SCOC: variants seen among roughly 807,000 people sequenced by gnomAD.
SCOC encodes short coiled coil protein.
In SCOC, 7 loss-of-function variants were observed where a neutral mutation model predicts 9.9. That is an observed-to-expected ratio of 0.71 (90% CI 0.40 to 1.33). The LOEUF is 1.33. SCOC is among the 40% of genes most tolerant of loss of function. SCOC has a pLI of 0.01. For synonymous variants in SCOC, 19 were observed against 28.2 expected (o/e 0.67, Z 1.03); for missense variants, 66 against 89.7 (o/e 0.74, Z 1.07).
upstream of SCOC, among the ~76,000 whole-genome samples, chr4:140,341,081 C>T (rs1049859571): frequency 1.3e-5 from 2 of 152,006 alleles, no homozygotes; most frequent in Non-Finnish European, 2.9e-5. Context: ...CAGGCATGAG[C>T]CCAGCCGAGT....
intron 1 of SCOC, among the ~76,000 whole-genome samples, chr4:140,273,171 CACAATAGAAT>C (rs1338045833): frequency 6.6e-6 from 1 of 152,078 alleles, no homozygotes; most frequent in African/African-American, 2.4e-5. Flanking sequence ...GGCTGGAAAA[CACAATAGAAT>C]ACAAAGGGAA....
At chr4:140,354,265 CTG>C (rs1727110096) in intron 2 of SCOC, among the ~76,000 whole-genome samples, 1 of 152,094 alleles carries the variant, frequency 6.6e-6, no homozygotes, top group South Asian at 2.1e-4. Context: ...GAGCTTTGTG[CTG>C]TCACAGTGTT....
intron 1 of SCOC, among the ~76,000 whole-genome samples, chr4:140,323,621 T>C (rs1732563215): frequency 6.6e-6 from 1 of 152,090 alleles, no homozygotes; most frequent in South Asian, 2.1e-4. Context: ...TATCCATAAG[T>C]TCAACAATTT....
At position 140,349,357 on chromosome 4, in the gene SCOC, G is replaced by T. The variant is rs564136926; in HGVS notation, c.70+5649G>T. 2.6e-5 allele frequency among the ~76,000 whole-genome samples: 4 copies of T among 152,254 alleles called. No individual in the cohort carries two copies. The South Asian group carries it at 6.2e-4, about 24-fold the overall frequency. On this transcript the variant is annotated intron_variant, in intron 2 of 4. Transcript: ENST00000338517. ...TTTCAATTTTTTGTACAATTTCCTG[G>T]TTTTTCCATGTTTTTCACCTAATCC...
At chr4:140,295,669 C>T (rs1446974610) in intron 1 of SCOC, among the ~76,000 whole-genome samples, 1 of 152,128 alleles carries the variant, frequency 6.6e-6, no homozygotes, top group Admixed American at 6.5e-5. Flanking sequence ...GCGAAGGGCG[C>T]GGTGGCTCAC....
chr4:140,319,139 T>G (rs1732421031), intron 1 of SCOC, among the ~76,000 whole-genome samples: 1 of 152,182 alleles, frequency 6.6e-6, no homozygotes, highest in African/African-American at 2.4e-5. Flanking sequence ...TTGCCCAGGC[T>G]GGAGTGCAAC....
chr4:140,369,338 T>C (rs1245844484), upstream of SCOC: 1 of 401,330 alleles, frequency 2.5e-6, no homozygotes, highest in African/African-American at 2.1e-5. Flanking sequence ...CATTCTCCAA[T>C]GAATTCAATA....
At chr4:140,336,806 T>G (rs1258053382) in intron 1 of SCOC, among the ~76,000 whole-genome samples, 1 of 152,228 alleles carries the variant, frequency 6.6e-6, no homozygotes. Context: ...ACTGCCAAAT[T>G]ATTTTCCACA....
intron 2 of SCOC, among the ~76,000 whole-genome samples, chr4:140,346,914 A>T (rs1726764063): frequency 6.6e-6 from 1 of 152,134 alleles, no homozygotes; most frequent in Admixed American, 6.5e-5. Context: ...GTGGTCACTC[A>T]TTGTTTCACA....
In SCOC at chr4:140,379,485, A is replaced by G. The variant is rs564606994; in HGVS notation, c.23-84A>G. Reference sequence around the variant, plus strand: ...TATAAGTCAAGTAAGAATGAATATAAAACATTTTGCAGATTTTTAAGTGCT... The same window carrying G: ...TATAAGTCAAGTAAGAATGAATATAGAACATTTTGCAGATTTTTAAGTGCT... On this transcript the variant is annotated intron_variant, in intron 2 of 3. Coordinates refer to ENST00000608372, the MANE Select transcript of SCOC (RefSeq NM_001153484.2). The G allele has an allele frequency of 5.0e-6, 5 of 1,008,126 alleles. No homozygotes were observed. The East Asian group carries it at 1.2e-4, about 24-fold the overall frequency. 62.4% of individuals were successfully genotyped at this position (1,008,126 alleles called of 1,614,324 possible).
intron 1 of SCOC, among the ~76,000 whole-genome samples, chr4:140,268,361 A>G (rs1730774709): frequency 6.6e-6 from 1 of 152,246 alleles, no homozygotes; most frequent in Non-Finnish European, 1.5e-5. Flanking sequence ...GGACAAATGT[A>G]TACAAATGAA....
At chr4:140,302,441 G>A (rs1376271439) in intron 1 of SCOC, among the ~76,000 whole-genome samples, 1 of 152,184 alleles carries the variant, frequency 6.6e-6, no homozygotes, top group Non-Finnish European at 1.5e-5. Context: ...AAGAAGAGTT[G>A]AAGGAATTGA....
At chr4:140,313,032 G>A (rs767674044) in intron 1 of SCOC, among the ~76,000 whole-genome samples, 20 of 152,048 alleles carry the variant, frequency 1.3e-4, no homozygotes, top group Admixed American at 4.6e-4. Flanking sequence ...CATAAATGAT[G>A]GTCATTTAGG....
chr4:140,261,490 A>T (rs1730632692), intron 1 of SCOC, among the ~76,000 whole-genome samples: 1 of 152,166 alleles, frequency 6.6e-6, no homozygotes, highest in African/African-American at 2.4e-5. Context: ...TGCCTTCCCC[A>T]TTCATTTGGG....
At position 140,376,059 on chromosome 4, in the gene SCOC, G is replaced by A. The variant is rs1163424828; in HGVS notation, c.-51+2342G>A. Among the ~76,000 whole-genome samples the A allele has an allele frequency of 3.3e-5, 5 of 152,162 alleles. 1 individual carries two copies. Among genetic ancestry groups the A allele is most frequent in the Non-Finnish European group, 1.5e-5 (1 of 68,016 alleles). ...GACATGGAATTAGATTGATGTTATAGCAACTATAGGTAAAAAAGGATTTTA... is the reference window on the plus strand; with the variant it reads ...GACATGGAATTAGATTGATGTTATAACAACTATAGGTAAAAAAGGATTTTA... On this transcript the variant is annotated intron_variant, in intron 1 of 3. Transcript: ENST00000608372.
At chr4:140,262,649 A>G (rs973282560) in intron 1 of SCOC, among the ~76,000 whole-genome samples, 1 of 152,168 alleles carries the variant, frequency 6.6e-6, no homozygotes, top group Non-Finnish European at 1.5e-5. Flanking sequence ...CGGTTCTCAC[A>G]CTGCTATAAA....
chr4:140,277,209 G>A lies in SCOC; in HGVS notation c.-19+19799G>A, dbSNP rs1371389331. ...GAGACAGAGCTTAACAAAGACTCAA[G>A]CCTATGACCTACAGGCCAAGAGGGA... On this transcript the variant is annotated intron_variant, in intron 1 of 4. Coordinates refer to the SCOC transcript ENST00000394205. Among the ~76,000 whole-genome samples, 53 of 152,040 alleles carry A rather than the reference G, an allele frequency of 3.5e-4. 1 individual carries two copies. The highest frequency in any genetic ancestry group is 4.4e-5 in the Non-Finnish European group (3 of 68,008).
At position 140,382,506 on chromosome 4, in the gene SCOC, TTG is replaced by T. The variant is rs1728606990; in HGVS notation, c.*1406_*1407del. 6.6e-6 allele frequency: 1 copy of T among 152,616 alleles called. No homozygotes were observed. The highest frequency in any genetic ancestry group is 1.5e-5 in the Non-Finnish European group (1 of 68,032). 9.5% of individuals were successfully genotyped at this position (152,616 alleles called of 1,614,324 possible). A position where few individuals can be genotyped will look rare whatever the true frequency, so the allele number is the denominator to read the frequency against. On this transcript the variant is annotated 3_prime_UTR_variant, in exon 4 of 4. Coordinates refer to ENST00000608372, the MANE Select transcript of SCOC (RefSeq NM_001153484.2). ...GTGACCTAATTTACAGACATTTAAA[TTG>T]TGTTGCAGTTCTGCTTTGCCGTTTA...
At chr4:140,347,537 T>C (rs1015746870) in intron 2 of SCOC, among the ~76,000 whole-genome samples, 76 of 152,184 alleles carry the variant, frequency 5.0e-4, no homozygotes, top group African/African-American at 1.8e-3. Context: ...TGGGAACCTG[T>C]GTCCTCCAGC....
Sources: gnomAD v4.1 joint callset for allele counts (sites outside exome capture counted in the v4.1 genomes callset) on GRCh38, gnomAD v4.1.1 for gene constraint, MANE v1.5 for transcripts, NCBI Gene and HGNC (gene_info 2026-07-23, HGNC 2026-07-21) for gene names.